MYH6: variants seen among roughly 807,000 people sequenced by gnomAD.
MYH6 encodes myosin heavy chain 6.
Under a neutral mutation model 223.2 loss-of-function variants are expected in MYH6, and 126 were observed. The observed-to-expected ratio is 0.56, with a 90% CI of 0.49 to 0.65. The LOEUF is 0.65. Ranked by LOEUF, MYH6 falls within the 30% of genes least tolerant of loss-of-function variation. The pLI, the probability that MYH6 is intolerant of heterozygous loss-of-function variation, is 0.00. For missense variants in MYH6, 2,040 were observed against 2,536.4 expected (o/e 0.80, Z 4.20); for synonymous variants, 978 against 1,010.2 (o/e 0.97, Z 0.61).
intron 20 of MYH6, among the ~76,000 whole-genome samples, chr14:23,394,982 C>T (rs1891351576): frequency 6.6e-6 from 1 of 152,220 alleles, no homozygotes; most frequent in Admixed American, 6.5e-5. Flanking sequence ...TCTCCTGCCT[C>T]AGCTCCTGAG....
chr14:23,399,156 C>T (rs1386469322), intron 14 of MYH6, 119 bp from the exon 15 acceptor site: 11 of 1,242,898 alleles, frequency 8.9e-6, no homozygotes, highest in African/African-American at 5.9e-5. Flanking sequence ...GCTGAAGGGG[C>T]GCTGTGCTGG....
chr14:23,384,880 G>T, intron 35 of MYH6, 36 bp downstream of exon 35: 3 of 1,613,498 alleles, frequency 1.9e-6, no homozygotes, highest in Non-Finnish European at 2.5e-6. Context: ...CCTTGTTTCT[G>T]TCTTTAGGGG....
In MYH6 at chr14:23,392,448, C is replaced by T. The variant is rs112462178; in HGVS notation, c.3342+114G>A. 1,494 of 859,386 alleles carry T rather than the reference C, an allele frequency of 1.7e-3. 10 individuals carry two copies. In the African/African-American group the frequency reaches 0.021, roughly 12 times the overall value. The allele number at this position is 859,386 out of a possible 1,614,324, so 53.2% of individuals were successfully genotyped here. A position where few individuals can be genotyped will look rare whatever the true frequency, so the allele number is the denominator to read the frequency against. ...GCCTGTAAGTCAGGGATGGTTGGGT[C>T]TATGAGGCTGCCTGGAGTTCCAGAT... On this transcript the variant is annotated intron_variant, in intron 25 of 38. Coordinates refer to ENST00000405093, the MANE Select transcript of MYH6 (RefSeq NM_002471.4).
rs1566509976 is a variant in MYH6, at chr14:23,393,527, C to G, written c.2929-9G>C. 3 of 1,613,976 alleles carry G rather than the reference C, an allele frequency of 1.9e-6. No homozygotes were observed. Among genetic ancestry groups the G allele is most frequent in the East Asian group, 2.2e-5 (1 of 44,886 alleles). On this transcript the variant is annotated splice_polypyrimidine_tract_variant and intron_variant, in intron 22 of 38. Coordinates refer to ENST00000405093, the MANE Select transcript of MYH6 (RefSeq NM_002471.4). ...TCTGTTAGGTTCTTCACCTGCCGAC[C>G]AAAAACCCATCCCCTTTAGGGTCAA...
At chr14:23,383,189 G>C in intron 37 of MYH6, 36 bp downstream of exon 37, 1 of 1,525,220 alleles carries the variant, frequency 6.6e-7, no homozygotes, top group Non-Finnish European at 9.1e-7. Context: ...AATAGTAGGT[G>C]TGTTGATGAG....
chr14:23,393,602 GAC>G, intron 22 of MYH6, 62 bp downstream of exon 22: 3 of 1,614,108 alleles, frequency 1.9e-6, no homozygotes, highest in Non-Finnish European at 2.5e-6. Flanking sequence ...CAAGGACCAG[GAC>G]AACACTCTAG....
intron 37 of MYH6, among the ~76,000 whole-genome samples, chr14:23,382,936 A>G (rs1225786782): frequency 1.3e-5 from 2 of 152,126 alleles, no homozygotes; most frequent in African/African-American, 4.8e-5. Flanking sequence ...TCTAGGCCCA[A>G]TTCCACCGCC....
At position 23,393,501 on chromosome 14, in the gene MYH6, C is replaced by T. The variant is rs145274612; in HGVS notation, c.2946G>A (p.Glu982=). ...ATENKVKNLT[E]EMAGLDEIIA... Reference sequence around the variant, plus strand: ...TGATTTCATCCAGCCCAGCCATCTCCTCTGTTAGGTTCTTCACCTGCCGAC... The same window carrying T: ...TGATTTCATCCAGCCCAGCCATCTCTTCTGTTAGGTTCTTCACCTGCCGAC... The change falls in exon 23 of 39, where the codon GAG becomes GAA. Residue 982 remains glutamate (E), a synonymous_variant. Coordinates refer to ENST00000405093, the MANE Select transcript of MYH6 (RefSeq NM_002471.4). 0.011 allele frequency: 17,135 copies of T among 1,614,126 alleles called. 137 individuals carry two copies. Among genetic ancestry groups the T allele is most frequent in the Non-Finnish European group, 0.011 (12,659 of 1,180,018 alleles).
rs1487954867 is a variant in MYH6, at chr14:23,405,123, C to A, written c.507G>T (p.Arg169=). 6.2e-7 allele frequency: 1 copy of A among 1,614,000 alleles called. No individual in the cohort carries two copies. Among genetic ancestry groups the A allele is most frequent in the Admixed American group, 1.7e-5 (1 of 60,014 alleles). The change falls in exon 6 of 39, where the codon CGG becomes CGT. Residue 169 remains arginine (R), a synonymous_variant. Coordinates refer to ENST00000405093, the MANE Select transcript of MYH6 (RefSeq NM_002471.4). The surrounding 1 kb of genome is among the most constrained non-coding windows in gnomAD (Gnocchi z 4.7). ...DNAYQYMLTD[R]ENQSILITGE... ...ACGTGATGAGGATGGACTGGTTCTCCCGATCTGGAAGAAAAAAGAGGAGAA... is the reference window on the plus strand; with the variant it reads ...ACGTGATGAGGATGGACTGGTTCTCACGATCTGGAAGAAAAAAGAGGAGAA...
intron 38 of MYH6, 49 bp downstream of exon 38, chr14:23,382,379 G>A (rs575680864): frequency 1.2e-6 from 2 of 1,612,462 alleles, no homozygotes; most frequent in East Asian, 2.2e-5. Flanking sequence ...CCATATCAGG[G>A]GGCATGCTAA....
intron 18 of MYH6, 36 bp from the exon 19 acceptor site, chr14:23,396,853 G>A (rs376289020): frequency 5.0e-6 from 8 of 1,613,514 alleles, no homozygotes; most frequent in Non-Finnish European, 6.8e-6. Flanking sequence ...CCCATGCTCT[G>A]CAGTGATCTG....
At chr14:23,403,957 C>T (rs1891694944) in intron 8 of MYH6, among the ~76,000 whole-genome samples, 179 bp from the exon 9 acceptor site, 1 of 152,200 alleles carries the variant, frequency 6.6e-6, no homozygotes, top group African/African-American at 2.4e-5. Context: ...GTGCAGGGAC[C>T]TCCTAGTGGA....
At chr14:23,389,919 G>A (rs1049803518) in intron 26 of MYH6, 138 bp downstream of exon 26, 13 of 1,553,894 alleles carry the variant, frequency 8.4e-6, no homozygotes, top group Non-Finnish European at 1.1e-5. Flanking sequence ...CCAGAGAGGG[G>A]CAGGGGAGAC....
Position 23,390,258 on chromosome 14 carries a change from C to T in MYH6, c.3531G>A (p.Arg1177=). ...KKREAEFQKM[R]RDLEEATLQH... is the part of the protein sequence containing the mutation. Reference sequence around the variant, plus strand: ...GCAGCGTGGCCTCCTCCAGGTCCCGCCGCATCTTCTGGAACTCGGCCTCGC... The same window carrying T: ...GCAGCGTGGCCTCCTCCAGGTCCCGTCGCATCTTCTGGAACTCGGCCTCGC... Residue 1177 remains arginine (R), a synonymous_variant, in exon 26 of 39, where the codon CGG becomes CGA. Transcript: ENST00000405093. 1.3e-6 allele frequency: 2 copies of T among 1,588,814 alleles called. No homozygotes were observed. Among genetic ancestry groups the T allele is most frequent in the Non-Finnish European group, 1.7e-6 (2 of 1,165,714 alleles).
In MYH6 at chr14:23,405,550, T is replaced by A. The variant is rs1891758298; in HGVS notation, c.345+77A>T. 6 of 1,607,026 alleles carry A rather than the reference T, an allele frequency of 3.7e-6. No individual in the cohort carries two copies. The highest frequency in any genetic ancestry group is 5.1e-6 in the Non-Finnish European group (6 of 1,175,644). On this transcript the variant is annotated intron_variant, in intron 4 of 38. Coordinates refer to ENST00000405093, the MANE Select transcript of MYH6 (RefSeq NM_002471.4). The surrounding 1 kb of genome is among the most constrained non-coding windows in gnomAD (Gnocchi z 4.7). ...GTCCCTTGGGAGTCTCTCCCCCTCT[T>A]CTTGGGAGAGCCCCCCTGGCTTATT...
Position 23,392,627 on chromosome 14 carries a change from T to G in MYH6, c.3277A>C (p.Asn1093His). Residue 1093 changes from asparagine to histidine, a missense_variant, in exon 25 of 39, where the codon AAC becomes CAC. Physicochemically the swap from Asn to His is moderately conservative, Grantham distance 68 (BLOSUM62 1). Coordinates refer to ENST00000405093, the MANE Select transcript of MYH6 (RefSeq NM_002471.4). Reference sequence around the variant, plus strand: ...ACCTGCTCATCCTCAATCTTACTGTTCTGCTGATTAATGTCAAACTCCTTC... The same window carrying G: ...ACCTGCTCATCCTCAATCTTACTGTGCTGCTGATTAATGTCAAACTCCTTC... ...KKKEFDINQQ[N>H]SKIEDEQVLA... The G allele has an allele frequency of 1.9e-6, 3 of 1,611,220 alleles. No individual in the cohort carries two copies. Among genetic ancestry groups the G allele is most frequent in the Non-Finnish European group, 2.5e-6 (3 of 1,178,664 alleles).
intron 20 of MYH6, 53 bp from the exon 21 acceptor site, chr14:23,394,376 A>G (rs1566510486): frequency 1.2e-6 from 2 of 1,610,438 alleles, no homozygotes; most frequent in East Asian, 2.2e-5. Context: ...GAGCTTCCCA[A>G]TCATGGGCCC....
intron 32 of MYH6, 91 bp from the exon 33 acceptor site, chr14:23,386,714 T>C (rs1891039361): frequency 1.4e-6 from 2 of 1,454,000 alleles, no homozygotes. Context: ...GCCAGGACTA[T>C]CGCCCAGAGA....
In MYH6 at chr14:23,398,810, G is replaced by A. The variant is rs186134696; in HGVS notation, c.1809C>T (p.Asn603=). Residue 603 remains asparagine (N), a synonymous_variant, in exon 15 of 39, where the codon AAC becomes AAT. Coordinates refer to ENST00000405093, the MANE Select transcript of MYH6 (RefSeq NM_002471.4). The part of the protein sequence containing the change: ...GWLEKNKDPL[N]ETVVALYQKS... ...TCTGGTACAGGGCCACAACAGTCTC[G>A]TTGAGAGGATCCTTGTTTTTTTCCA... 22 of 1,614,196 alleles carry A rather than the reference G, an allele frequency of 1.4e-5. No homozygotes were observed. The highest frequency in any genetic ancestry group is 6.7e-5 in the East Asian group (3 of 44,892).
Sources: gnomAD v4.1 joint callset for allele counts (sites outside exome capture counted in the v4.1 genomes callset) on GRCh38, gnomAD v4.1.1 for gene constraint, Gnocchi (gnomAD v3.1) non-coding constraint, MANE v1.5 for transcripts, NCBI Gene and HGNC (gene_info 2026-07-23, HGNC 2026-07-21) for gene names.